SPECC1: variants seen among roughly 807,000 people sequenced by gnomAD.
SPECC1 encodes the protein cytospin-B.
In SPECC1, 62 loss-of-function variants were observed where a neutral mutation model predicts 104.1. That is an observed-to-expected ratio of 0.60 (90% CI 0.49 to 0.74). The LOEUF is 0.74. Ranked by LOEUF, SPECC1 falls within the 30% of genes least tolerant of loss-of-function variation. The pLI is 0.00. For synonymous variants in SPECC1, 513 were observed against 501.6 expected (o/e 1.02, Z -0.30); for missense variants, 1,306 against 1,310.5 (o/e 1.00, Z 0.05).
At chr17:20,022,704 C>T (rs959400040) in intron 1 of SPECC1, among the ~76,000 whole-genome samples, 2 of 152,222 alleles carry the variant, frequency 1.3e-5, no homozygotes, top group Non-Finnish European at 2.9e-5. Flanking sequence ...GCTGCCTACC[C>T]ACCTGTCCTC....
At chr17:20,248,130 G>C (rs927996092) in intron 9 of SPECC1, among the ~76,000 whole-genome samples, 1 of 152,182 alleles carries the variant, frequency 6.6e-6, no homozygotes, top group African/African-American at 2.4e-5. Flanking sequence ...CCAGAAAACG[G>C]TGGAACAGAC....
chr17:20,130,443 G>A (rs949202546), intron 3 of SPECC1, among the ~76,000 whole-genome samples: 3 of 152,196 alleles, frequency 2.0e-5, no homozygotes, highest in Admixed American at 2.0e-4. Flanking sequence ...GCTGAGGTGG[G>A]AGGATTGTTT....
At chr17:20,027,368 TTC>T (rs2044638301) in intron 1 of SPECC1, among the ~76,000 whole-genome samples, 1 of 152,238 alleles carries the variant, frequency 6.6e-6, no homozygotes, top group Admixed American at 6.5e-5. Context: ...TTTTCTCCCA[TTC>T]TACAGGTTGT....
intron 4 of SPECC1, among the ~76,000 whole-genome samples, chr17:20,209,928 G>C (rs1396483396): frequency 6.6e-6 from 1 of 152,206 alleles, no homozygotes; most frequent in African/African-American, 2.4e-5. Flanking sequence ...GAAGCTTATA[G>C]GTGGTATCCT....
Position 20,041,743 on chromosome 17 carries a change from G to A in SPECC1, c.-22+32319G>A, listed in dbSNP as rs189010517. Among the ~76,000 whole-genome samples, 743 of 148,366 alleles carry A rather than the reference G, an allele frequency of 5.0e-3. 7 individuals carry two copies. Among genetic ancestry groups the A allele is most frequent in the Non-Finnish European group, 6.4e-3 (429 of 67,268 alleles). ...GGTTCATGCCATTCTCCTGCCTCAG[G>A]CTCCCGAGTAGCTGGGACTACAGGT... is the stretch of plus-strand genomic sequence containing the variant. On this transcript the variant is annotated intron_variant, in intron 1 of 14. Coordinates refer to ENST00000395527, the MANE Select transcript of SPECC1 (RefSeq NM_001243439.2).
chr17:20,170,376 A>G (rs1397322676), intron 3 of SPECC1, among the ~76,000 whole-genome samples: 1 of 152,244 alleles, frequency 6.6e-6, no homozygotes, highest in Non-Finnish European at 1.5e-5. Flanking sequence ...TTGATATTTC[A>G]AAACGAATGT....
At chr17:20,159,670 C>T (rs1411884431) in intron 3 of SPECC1, among the ~76,000 whole-genome samples, 1 of 152,192 alleles carries the variant, frequency 6.6e-6, no homozygotes, top group Non-Finnish European at 1.5e-5. Context: ...GACATCATGA[C>T]TTAACATGGT....
intron 14 of SPECC1, among the ~76,000 whole-genome samples, chr17:20,310,002 A>G (rs2041886388): frequency 6.7e-6 from 1 of 149,142 alleles, no homozygotes; most frequent in Non-Finnish European, 1.5e-5. Flanking sequence ...TATTTTTTTT[A>G]GTAGAAATGG....
intron 2 of SPECC1, among the ~76,000 whole-genome samples, chr17:20,105,522 T>C (rs2048155247): frequency 6.6e-6 from 1 of 152,154 alleles, no homozygotes; most frequent in African/African-American, 2.4e-5. Flanking sequence ...TTCTTTTGCA[T>C]GTCCCACTCC....
chr17:20,257,427 G>C, intron 10 of SPECC1, 24 bp from the exon 11 acceptor site: 1 of 1,551,134 alleles, frequency 6.4e-7, no homozygotes, highest in Non-Finnish European at 8.7e-7. Context: ...TTGGGAATGA[G>C]TGATTATGTG....
intron 1 of SPECC1, among the ~76,000 whole-genome samples, chr17:20,082,600 T>G (rs1478561411): frequency 6.6e-6 from 1 of 151,196 alleles, no homozygotes; most frequent in Non-Finnish European, 1.5e-5. Context: ...TGTCTCAAAC[T>G]ATATGTGTGT....
At chr17:20,211,076 C>T (rs560019401) in intron 4 of SPECC1, among the ~76,000 whole-genome samples, 4 of 152,300 alleles carry the variant, frequency 2.6e-5, no homozygotes, top group African/African-American at 9.6e-5. Flanking sequence ...CAAGGTCACT[C>T]ATGGGAATGG....
intron 13 of SPECC1, among the ~76,000 whole-genome samples, chr17:20,304,868 A>C (rs986979984): frequency 6.6e-6 from 1 of 152,104 alleles, no homozygotes; most frequent in African/African-American, 2.4e-5. Flanking sequence ...GGCGGCAGCC[A>C]CAAGGAGAAT....
At chr17:20,074,958 A>C (rs1208132493) in intron 1 of SPECC1, among the ~76,000 whole-genome samples, 1 of 152,016 alleles carries the variant, frequency 6.6e-6, no homozygotes, top group African/African-American at 2.4e-5. Context: ...GCTGGAGTGC[A>C]GTGTCTTGAT....
chr17:20,192,439 A>G (rs1258240784), intron 3 of SPECC1, among the ~76,000 whole-genome samples: 1 of 152,196 alleles, frequency 6.6e-6, no homozygotes, highest in African/African-American at 2.4e-5. Flanking sequence ...CTCTTATGAT[A>G]GATGAGGATT....
intron 1 of SPECC1, among the ~76,000 whole-genome samples, chr17:20,043,067 G>A (rs1339172355): frequency 6.6e-6 from 1 of 152,088 alleles, no homozygotes; most frequent in Non-Finnish European, 1.5e-5. Flanking sequence ...CTTTGGAGAG[G>A]CCAAGCAAGT....
intron 12 of SPECC1, among the ~76,000 whole-genome samples, chr17:20,277,051 G>A (rs1355271850): frequency 6.6e-6 from 1 of 152,252 alleles, no homozygotes; most frequent in Non-Finnish European, 1.5e-5. Flanking sequence ...TGAGTTGGAG[G>A]AGTCGGGCTC....
At chr17:20,031,900 C>T (rs910618539) in intron 1 of SPECC1, among the ~76,000 whole-genome samples, 5 of 152,090 alleles carry the variant, frequency 3.3e-5, no homozygotes, top group Admixed American at 2.6e-4. Context: ...ATTTATTTGT[C>T]GATGGACCCT....
chr17:20,178,887 G>T (rs985124288), intron 3 of SPECC1, among the ~76,000 whole-genome samples: 2 of 152,216 alleles, frequency 1.3e-5, no homozygotes, highest in African/African-American at 4.8e-5. Flanking sequence ...TTGCTGGACT[G>T]CAGCAATAAA....
Sources: gnomAD v4.1 joint callset for allele counts (sites outside exome capture counted in the v4.1 genomes callset) on GRCh38, gnomAD v4.1.1 for gene constraint, MANE v1.5 for transcripts, NCBI Gene and HGNC (gene_info 2026-07-23, HGNC 2026-07-21) for gene names.